Variants in INSL6 observed in about 807,000 individuals in gnomAD.
INSL6 encodes the protein insulin like 6.
Under a neutral mutation model 9.4 loss-of-function variants are expected in INSL6, and 16 were observed. The ratio of observed to expected loss-of-function variants is 1.70; its 90% CI spans 1.15 to 2.59. The LOEUF (loss-of-function observed/expected upper bound fraction) is 2.59. Among genes scored for constraint, INSL6 ranks in the 30% most tolerant of loss-of-function variants. INSL6 has a pLI of 0.00. For missense variants in INSL6, 391 were observed against 257.3 expected (o/e 1.52, Z -3.56); for synonymous variants, 154 against 96.9 (o/e 1.59, Z -3.46).
At chr9:5,005,004 C>A in the INSL6 span, among the ~76,000 whole-genome samples, 1 of 147,310 alleles carries the variant, frequency 6.8e-6, no homozygotes, top group African/African-American at 2.5e-5. Context: ...GCAGCCTTGA[C>A]CTCCCAAGCG....
At chr9:5,028,205 C>A in the INSL6 span, among the ~76,000 whole-genome samples, 2 of 152,288 alleles carry the variant, frequency 1.3e-5, no homozygotes, top group Admixed American at 1.3e-4. Flanking sequence ...GTTGTGTTAG[C>A]AGGCATGAAA....
At chr9:5,122,041 A>T (rs1248452952), downstream of INSL6, among the ~76,000 whole-genome samples, 2 of 152,206 alleles carry the variant, frequency 1.3e-5, no homozygotes, top group African/African-American at 4.8e-5. Context: ...ATGTTTAATT[A>T]CGTAGTATGG....
chr9:5,006,509 A>G, the INSL6 span, among the ~76,000 whole-genome samples: 1 of 152,186 alleles, frequency 6.6e-6, no homozygotes, highest in South Asian at 2.1e-4. Flanking sequence ...TTTTTAAAGA[A>G]AAGTTGTTTA....
At chr9:5,124,668 C>G (rs1043015034) in intron 3 of INSL6, among the ~76,000 whole-genome samples, 131 of 151,924 alleles carry the variant, frequency 8.6e-4, no homozygotes, top group African/African-American at 3.0e-3. Flanking sequence ...TATTATAAGG[C>G]TACAGTAACC....
the INSL6 span, among the ~76,000 whole-genome samples, chr9:5,076,593 TATATGC>T: frequency 6.6e-6 from 1 of 152,206 alleles, no homozygotes; most frequent in Non-Finnish European, 1.5e-5. Context: ...ATACAAGTTT[TATATGC>T]ATTGGGATAC....
the INSL6 span, among the ~76,000 whole-genome samples, chr9:5,039,884 C>T: frequency 5.9e-5 from 9 of 152,120 alleles, no homozygotes; most frequent in Non-Finnish European, 1.2e-4. Context: ...GATGGCAATA[C>T]TCCTTAATTG....
At chr9:5,037,293 G>A in the INSL6 span, among the ~76,000 whole-genome samples, 2 of 152,172 alleles carry the variant, frequency 1.3e-5, no homozygotes, top group Non-Finnish European at 2.9e-5. Flanking sequence ...GTGGAAGTCA[G>A]TGTGGCGATT....
At chr9:5,146,136 C>G (rs1377002190) in intron 2 of INSL6, among the ~76,000 whole-genome samples, 1 of 151,346 alleles carries the variant, frequency 6.6e-6, no homozygotes, top group East Asian at 1.9e-4. Flanking sequence ...TTCTTTTATC[C>G]TTTTTGATGA....
chr9:5,166,653 A>G (rs968789126), intron 1 of INSL6, among the ~76,000 whole-genome samples: 1 of 152,204 alleles, frequency 6.6e-6, no homozygotes, highest in Non-Finnish European at 1.5e-5. Flanking sequence ...CAATATTCAA[A>G]GAAATGAAAA....
chr9:5,047,083 G>A, the INSL6 span, among the ~76,000 whole-genome samples: 1 of 151,996 alleles, frequency 6.6e-6, no homozygotes, highest in South Asian at 2.1e-4. Flanking sequence ...TCTAAATTAT[G>A]TCTAGATAGT....
At chr9:5,110,723 G>A in the INSL6 span, 1 of 351,438 alleles carries the variant, frequency 2.8e-6, no homozygotes, top group Non-Finnish European at 5.6e-6. Context: ...TTAACTGCTG[G>A]CTATAGTACC....
chr9:5,033,812 C>G, the INSL6 span, among the ~76,000 whole-genome samples: 186 of 152,250 alleles, frequency 1.2e-3, no homozygotes, highest in Non-Finnish European at 2.3e-3. Context: ...ACCATCGAGG[C>G]TAGGAAGAAA....
the INSL6 span, among the ~76,000 whole-genome samples, chr9:5,117,552 T>C: frequency 5.3e-5 from 8 of 152,212 alleles, no homozygotes; most frequent in Non-Finnish European, 1.0e-4. Context: ...TAACCAAACA[T>C]TGAAGAGACT....
chr9:5,054,829 G>T, the INSL6 span: 1 of 1,612,042 alleles, frequency 6.2e-7, no homozygotes, highest in Non-Finnish European at 8.5e-7. This position sits in a 1 kb window ranked among gnomAD's most constrained non-coding sequence, Gnocchi z 4.9. Context: ...ACTGGAAACG[G>T]TGGAATTCAG....
the INSL6 span, among the ~76,000 whole-genome samples, chr9:5,102,471 G>T: frequency 6.6e-6 from 1 of 152,176 alleles, no homozygotes; most frequent in African/African-American, 2.4e-5. Context: ...ACACTCTTCA[G>T]GATATTATCC....
the INSL6 span, among the ~76,000 whole-genome samples, chr9:4,993,728 C>G: frequency 1.3e-5 from 2 of 152,154 alleles, no homozygotes; most frequent in African/African-American, 4.8e-5. Flanking sequence ...ACAAAGGGTC[C>G]TTATCTGTTC....
chr9:5,041,364 A>T, the INSL6 span: 1 of 629,142 alleles, frequency 1.6e-6, no homozygotes. Context: ...ATGAGCATCA[A>T]CATGCACCTG....
downstream of INSL6, among the ~76,000 whole-genome samples, chr9:5,162,134 T>C (rs1018308131): frequency 7.2e-5 from 11 of 152,014 alleles, no homozygotes; most frequent in African/African-American, 2.7e-4. Context: ...CTGAGCAAGA[T>C]GTTAGGATTA....
chr9:5,055,141 A>C, the INSL6 span, among the ~76,000 whole-genome samples: 1 of 152,046 alleles, frequency 6.6e-6, no homozygotes, highest in Admixed American at 6.6e-5. Flanking sequence ...AAATTCTAAA[A>C]GTGATTTTAA....
Sources: allele counts gnomAD v4.1 joint callset (sites outside exome capture counted in the v4.1 genomes callset), GRCh38; gene constraint gnomAD v4.1.1; non-coding constraint Gnocchi (gnomAD v3.1); transcripts MANE v1.5; gene names NCBI Gene and HGNC (gene_info 2026-07-23, HGNC 2026-07-21).